Variants in DIS3L2 observed in about 807,000 individuals in gnomAD.
DIS3L2 encodes DIS3-like exonuclease 2.
A neutral mutation model predicts 97.5 loss-of-function variants in DIS3L2; 34 were observed. The ratio of observed to expected loss-of-function variants is 0.35; its 90% CI spans 0.27 to 0.46. The LOEUF is 0.46. Among genes scored for constraint, DIS3L2 ranks in the 20% least tolerant of loss-of-function variants. DIS3L2 has a pLI of 1.00. For missense variants in DIS3L2, 1,038 were observed against 1,146.0 expected (o/e 0.91, Z 1.36); for synonymous variants, 435 against 445.2 (o/e 0.98, Z 0.29).
At chr2:232,126,124 G>T (rs1698058502) in intron 6 of DIS3L2, among the ~76,000 whole-genome samples, 4 of 152,100 alleles carry the variant, frequency 2.6e-5, no homozygotes, top group Admixed American at 2.6e-4. Context: ...AGCTTTCTAA[G>T]ATCTCTGCTA....
intron 5 of DIS3L2, among the ~76,000 whole-genome samples, chr2:232,051,811 C>CAAAAAAAAAAA (rs58851349): frequency 8.1e-5 from 3 of 37,062 alleles, no homozygotes; most frequent in African/African-American, 1.0e-4. Context: ...GACTCCGTCT[C>CAAAAAAAAAAA]AAAAAAAAAA....
rs77477776 is a variant in DIS3L2 at position 232,328,065 on chromosome 2, G to A, written c.1740-1748G>A. Among the ~76,000 whole-genome samples the A allele has an allele frequency of 4.0e-3, 613 of 152,340 alleles. 4 individuals are homozygous for A. Among genetic ancestry groups the A allele is most frequent in the African/African-American group, 0.014 (576 of 41,564 alleles). ...GGGCTTGAACACAGGGTTTTTGGCAGGAAGTGGTGGGCACAAGCACAGATT... is the reference window on the plus strand; with the variant it reads ...GGGCTTGAACACAGGGTTTTTGGCAAGAAGTGGTGGGCACAAGCACAGATT... On this transcript the variant is annotated intron_variant, in intron 14 of 20. Transcript: ENST00000325385.
chr2:232,207,583 G>T (rs978807074), intron 9 of DIS3L2, among the ~76,000 whole-genome samples: 1 of 152,178 alleles, frequency 6.6e-6, no homozygotes, highest in Non-Finnish European at 1.5e-5. Context: ...CCTACACTGT[G>T]TGTGACTCTC....
rs927660424 is a variant in DIS3L2 at position 232,019,098 on chromosome 2, G to A, written c.210+3427G>A. Among the ~76,000 whole-genome samples the A allele has an allele frequency of 2.6e-5, 4 of 152,266 alleles. No homozygotes were observed. In the South Asian group the frequency reaches 8.3e-4, roughly 32 times the overall value. On this transcript the variant is annotated intron_variant, in intron 3 of 20. Coordinates refer to ENST00000325385, the MANE Select transcript of DIS3L2 (RefSeq NM_152383.5). The stretch of plus-strand genomic sequence containing the variant: ...ATCCCAAAAGATGCTTTGGCTAAAG[G>A]AAGTTCAGGCTAAGCCTCCAGAGCT...
At chr2:232,005,170 A>ATTTTTTTTTTTTTTTTTTTTTTTTTT (rs55757645) in intron 1 of DIS3L2, among the ~76,000 whole-genome samples, 4 of 126,562 alleles carry the variant, frequency 3.2e-5, no homozygotes, top group Non-Finnish European at 3.2e-5. Context: ...AAGAATCTTG[A>ATTTTTTTTTTTTTTTTTTTTTTTTTT]TTTTTTTTTT....
At chr2:232,036,979 C>T (rs1030429120) in intron 5 of DIS3L2, among the ~76,000 whole-genome samples, 6 of 152,202 alleles carry the variant, frequency 3.9e-5, no homozygotes, top group African/African-American at 1.4e-4. Context: ...GGAGGCGTCT[C>T]CCTGTCAGGA....
At chr2:232,182,683 A>T (rs1691325479) in intron 9 of DIS3L2, among the ~76,000 whole-genome samples, 1 of 152,100 alleles carries the variant, frequency 6.6e-6, no homozygotes, top group Admixed American at 6.6e-5. Flanking sequence ...CTTTGTCTTT[A>T]GTAACACTTT....
At chr2:232,033,371 G>C (rs2106243601) in intron 5 of DIS3L2, among the ~76,000 whole-genome samples, 1 of 152,266 alleles carries the variant, frequency 6.6e-6, no homozygotes, top group Admixed American at 6.5e-5. Flanking sequence ...GAGATTTTGG[G>C]CTGAGACATT....
chr2:232,087,633 T>C lies in DIS3L2; in HGVS notation c.513T>C (p.Asp171=), dbSNP rs1365098125. 1.2e-6 allele frequency: 2 copies of C among 1,614,208 alleles called. No individual in the cohort carries two copies. Among genetic ancestry groups the C allele is most frequent in the Non-Finnish European group, 1.7e-6 (2 of 1,180,042 alleles). ...SPDVIVEAQF[D]GSDSEDGHGI... ...ATGTCATTGTAGAGGCTCAGTTTGA[T>C]GGCAGCGACTCAGAAGATGGACATG... is the stretch of plus-strand genomic sequence containing the variant. The change falls in exon 6 of 21, where the codon GAT becomes GAC. Residue 171 remains aspartate, a synonymous_variant. Coordinates refer to ENST00000325385, the MANE Select transcript of DIS3L2 (RefSeq NM_152383.5).
chr2:232,271,559 AG>A (rs1448337597), intron 13 of DIS3L2, among the ~76,000 whole-genome samples: 27 of 152,228 alleles, frequency 1.8e-4, no homozygotes, highest in Non-Finnish European at 3.1e-4. Flanking sequence ...AGAGTCAGCG[AG>A]GCTTGAAGAA....
intron 1 of DIS3L2, among the ~76,000 whole-genome samples, chr2:231,980,878 T>C (rs1693233111): frequency 1.3e-5 from 2 of 152,190 alleles, no homozygotes. Flanking sequence ...CAGGTGATCC[T>C]CTTACTTCAG....
chr2:232,126,417 C>G (rs1026506985), intron 6 of DIS3L2, among the ~76,000 whole-genome samples: 3 of 152,206 alleles, frequency 2.0e-5, no homozygotes, highest in Admixed American at 2.0e-4. Context: ...AGGATAGCTC[C>G]ACAGTCTTCA....
chr2:231,998,639 A>G (rs191773396), intron 1 of DIS3L2, among the ~76,000 whole-genome samples: 4 of 152,294 alleles, frequency 2.6e-5, no homozygotes, highest in African/African-American at 9.6e-5. Flanking sequence ...AATATCTTTG[A>G]GGATACTTTG....
intron 5 of DIS3L2, among the ~76,000 whole-genome samples, chr2:232,065,679 A>G (rs943672041): frequency 6.6e-6 from 1 of 151,990 alleles, no homozygotes; most frequent in Non-Finnish European, 1.5e-5. Flanking sequence ...TATTGATGGG[A>G]AATTTAGAAT....
chr2:232,251,662 T>C (rs1443411756), intron 12 of DIS3L2, among the ~76,000 whole-genome samples: 1 of 152,196 alleles, frequency 6.6e-6, no homozygotes, highest in African/African-American at 2.4e-5. Flanking sequence ...TTATAAAATT[T>C]CAGAACACTG....
chr2:232,158,306 C>CGTGTGT (rs111880090), intron 8 of DIS3L2, among the ~76,000 whole-genome samples: 17 of 150,590 alleles, frequency 1.1e-4, no homozygotes, highest in South Asian at 4.2e-4. Flanking sequence ...TCCTTTATAT[C>CGTGTGT]GTGTGTGTGT....
At position 232,335,856 on chromosome 2, in the gene DIS3L2, G is replaced by A. The variant is rs1329169462; in HGVS notation, c.2478G>A (p.Glu826=). The A allele has an allele frequency of 3.9e-6, 6 of 1,550,706 alleles. No homozygotes were observed. The highest frequency in any genetic ancestry group is 2.0e-5 in the Admixed American group (1 of 51,016). ...TGGTCTGGGAGCCTGAGGACATGGA[G>A]CAGGAGCCAGCACAGCAGGTCAGAA... ...LTLVWEPEDM[E]QEPAQQVITI... Residue 826 remains glutamate, a synonymous_variant, in exon 20 of 21, where the codon GAG becomes GAA. Transcript: ENST00000325385.
At chr2:232,118,756 G>A (rs1293287755) in intron 6 of DIS3L2, among the ~76,000 whole-genome samples, 1 of 152,194 alleles carries the variant, frequency 6.6e-6, no homozygotes, top group African/African-American at 2.4e-5. Context: ...TATGTAACCT[G>A]GCTGGAGTGG....
At chr2:232,315,553 G>A (rs990502862) in intron 14 of DIS3L2, among the ~76,000 whole-genome samples, 2 of 152,102 alleles carry the variant, frequency 1.3e-5, no homozygotes, top group Non-Finnish European at 2.9e-5. Flanking sequence ...AGCTCTCTGA[G>A]GCTTTGTGGC....
Sources: gnomAD v4.1 joint callset for allele counts (sites outside exome capture counted in the v4.1 genomes callset) on GRCh38, gnomAD v4.1.1 for gene constraint, MANE v1.5 for transcripts, NCBI Gene and HGNC (gene_info 2026-07-23, HGNC 2026-07-21) for gene names.